Variants in SHQ1 observed in about 807,000 individuals in gnomAD.
The protein encoded by SHQ1 is protein SHQ1 homolog.
A neutral mutation model predicts 53.8 loss-of-function variants in SHQ1; 49 were observed. The ratio of observed to expected loss-of-function variants is 0.91; its 90% CI spans 0.72 to 1.16. The LOEUF (loss-of-function observed/expected upper bound fraction) is 1.16. Among genes scored for constraint, SHQ1 ranks in the 50% most tolerant of loss-of-function variants. The pLI, the probability that SHQ1 is intolerant of heterozygous loss-of-function variation, is 0.00. For synonymous variants in SHQ1, 243 were observed against 251.0 expected, an observed-to-expected ratio of 0.97 and a Z score of 0.30; for missense variants, 738 against 683.1, an observed-to-expected ratio of 1.08 and a Z score of -0.90.
intron 10 of SHQ1, among the ~76,000 whole-genome samples, chr3:72,751,508 GTA>G (rs371779807): frequency 0.033 from 3,842 of 116,580 alleles, 128 homozygotes; most frequent in East Asian, 0.13. Flanking sequence ...GTGTGTGTGT[GTA>G]TATATATATA....
Position 72,832,408 on chromosome 3 carries a change from A to G in SHQ1, c.560T>C (p.Leu187Pro). ...TPAAERRQKR[L>P]AAELAKFDPD... ...ATCAAACTTGGCCAGCTCAGCGGCC[A>G]GGCGCTTCTGTCTTCGTTCAGCTGC... The change falls in exon 5 of 11, where the codon CTG becomes CCG. Residue 187 changes from leucine to proline, a missense_variant. Coordinates refer to ENST00000325599, the MANE Select transcript of SHQ1 (RefSeq NM_018130.3). 1 of 1,612,840 alleles carries G rather than the reference A, an allele frequency of 6.2e-7. No homozygotes were observed.
At chr3:72,767,929 C>T (rs1265530426) in intron 10 of SHQ1, among the ~76,000 whole-genome samples, 3 of 152,050 alleles carry the variant, frequency 2.0e-5, no homozygotes, top group East Asian at 1.9e-4. Flanking sequence ...ATGCTTCCTG[C>T]GTGGGGCGGG....
chr3:72,826,143 T>C (rs1050446392), intron 5 of SHQ1, among the ~76,000 whole-genome samples: 5 of 152,224 alleles, frequency 3.3e-5, no homozygotes, highest in African/African-American at 1.2e-4. Flanking sequence ...TATTCCATTT[T>C]TATATATGAG....
intron 10 of SHQ1, among the ~76,000 whole-genome samples, chr3:72,761,462 G>A (rs1365077264): frequency 6.6e-6 from 1 of 152,150 alleles, no homozygotes; most frequent in African/African-American, 2.4e-5. Flanking sequence ...ATAAGCTACT[G>A]CGCCGGGCCA....
chr3:72,839,270 G>A (rs1358873796), intron 4 of SHQ1, among the ~76,000 whole-genome samples: 2 of 152,124 alleles, frequency 1.3e-5, no homozygotes, highest in Non-Finnish European at 2.9e-5. Flanking sequence ...ACAATTGAGG[G>A]CCATTCACTG....
intron 10 of SHQ1, chr3:72,773,499 A>AG: frequency 3.9e-6 from 1 of 259,018 alleles, no homozygotes; most frequent in South Asian, 4.8e-5. Context: ...AAAAAAAAAG[A>AG]AAAAAAAGAA....
chr3:72,824,475 T>G lies in SHQ1; in HGVS notation c.676A>C (p.Met226Leu). The change falls in exon 6 of 11, where the codon ATG becomes CTG. Residue 226 changes from methionine (M) to leucine (L), a missense_variant. Transcript: ENST00000325599. ...TGACTCTTTTCCAAAAAGGCCATCA[T>G]TTTTGAATATTTGTCAGTCCACCAA... ...NPWWTDKYSK[M>L]MAFLEKSQEQ... 6.2e-7 allele frequency: 1 copy of G among 1,613,024 alleles called. No individual in the cohort carries two copies. Among genetic ancestry groups the G allele is most frequent in the Non-Finnish European group, 8.5e-7 (1 of 1,179,732 alleles).
chr3:72,776,067 C>T (rs1705952949), intron 10 of SHQ1, among the ~76,000 whole-genome samples: 1 of 152,120 alleles, frequency 6.6e-6, no homozygotes, highest in Admixed American at 6.5e-5. Context: ...AATATAAAGA[C>T]TGAAAAGGAA....
At chr3:72,846,284 G>C (rs1417811714) in intron 1 of SHQ1, 2 of 1,531,366 alleles carry the variant, frequency 1.3e-6, no homozygotes, top group East Asian at 4.9e-5. Context: ...CCTTGGTATA[G>C]CAAACTGTAT....
intron 9 of SHQ1, among the ~76,000 whole-genome samples, chr3:72,799,970 C>T (rs17010148): frequency 0.01 from 1,581 of 152,222 alleles, 27 homozygotes; most frequent in African/African-American, 0.036. Context: ...ACCTGACATA[C>T]CCCTCTATTA....
At chr3:72,839,207 A>G (rs1363632915) in intron 4 of SHQ1, among the ~76,000 whole-genome samples, 1 of 152,218 alleles carries the variant, frequency 6.6e-6, no homozygotes, top group East Asian at 1.9e-4. Context: ...ATTCATGTAC[A>G]GCGTTAGATT....
chr3:72,813,181 T>C (rs1707178047), intron 8 of SHQ1, among the ~76,000 whole-genome samples: 1 of 152,158 alleles, frequency 6.6e-6, no homozygotes, highest in Admixed American at 6.5e-5. Flanking sequence ...AGATCAAAAA[T>C]GTAGAACTCA....
chr3:72,772,859 A>T, intron 10 of SHQ1: 2 of 777,042 alleles, frequency 2.6e-6, no homozygotes. Context: ...GCCCCATCAA[A>T]ATGGGAAGCT....
At chr3:72,736,934 A>C in the SHQ1 span, among the ~76,000 whole-genome samples, 1 of 151,892 alleles carries the variant, frequency 6.6e-6, no homozygotes, top group East Asian at 1.9e-4. Flanking sequence ...GCAAAAAGCC[A>C]CAGGGAAAGC....
At chr3:72,737,233 G>A in the SHQ1 span, among the ~76,000 whole-genome samples, 5 of 152,052 alleles carry the variant, frequency 3.3e-5, no homozygotes, top group African/African-American at 7.2e-5. Flanking sequence ...AGCTGAGATC[G>A]TGCCACTGTA....
chr3:72,810,592 C>A (rs1707087677), intron 9 of SHQ1, among the ~76,000 whole-genome samples: 1 of 152,174 alleles, frequency 6.6e-6, no homozygotes, highest in Non-Finnish European at 1.5e-5. Context: ...AGTGTGAACA[C>A]TGACTGCATT....
intron 9 of SHQ1, among the ~76,000 whole-genome samples, chr3:72,808,298 C>G (rs1204436837): frequency 1.3e-5 from 2 of 152,180 alleles, no homozygotes; most frequent in African/African-American, 4.8e-5. Flanking sequence ...CAACTTGTAG[C>G]CAACCTTGTT....
At chr3:72,822,924 CG>C (rs1707522826) in intron 6 of SHQ1, among the ~76,000 whole-genome samples, 1 of 151,988 alleles carries the variant, frequency 6.6e-6, no homozygotes. Flanking sequence ...CCGAGGCTGG[CG>C]GATCACAAGG....
At chr3:72,738,939 C>G in the SHQ1 span, among the ~76,000 whole-genome samples, 1 of 152,204 alleles carries the variant, frequency 6.6e-6, no homozygotes, top group Non-Finnish European at 1.5e-5. Context: ...GCTACACCCG[C>G]TAGTTCAGCC....
Sources: allele counts gnomAD v4.1 joint callset (sites outside exome capture counted in the v4.1 genomes callset), GRCh38; gene constraint gnomAD v4.1.1; transcripts MANE v1.5; gene names NCBI Gene and HGNC (gene_info 2026-07-23, HGNC 2026-07-21).